ZNF705G: variants seen among roughly 807,000 people sequenced by gnomAD.
ZNF705G encodes the protein zinc finger protein 705G, also known as putative zinc finger protein 705G.
Under a neutral mutation model 19.6 loss-of-function variants are expected in ZNF705G, and 23 were observed. That is an observed-to-expected ratio of 1.17 (90% confidence interval 0.84 to 1.66). The LOEUF is 1.66. Ranked by LOEUF, ZNF705G falls within the 40% of genes most tolerant of loss-of-function variation. ZNF705G has a pLI of 0.00. For missense variants in ZNF705G, 457 were observed against 354.4 expected (o/e 1.29, Z -2.32); for synonymous variants, 146 against 117.7 (o/e 1.24, Z -1.56).
At chr8:7,366,899 T>C (rs1185780032) in intron 2 of ZNF705G, among the ~76,000 whole-genome samples, 1 of 149,644 alleles carries the variant, frequency 6.7e-6, no homozygotes, top group African/African-American at 2.6e-5. Flanking sequence ...CACACATATG[T>C]AGTTACAGAA....
intron 3 of ZNF705G, 105 bp downstream of exon 3, chr8:7,362,830 A>C: frequency 6.3e-7 from 1 of 1,585,648 alleles, no homozygotes; most frequent in Non-Finnish European, 8.5e-7. Context: ...AAAACAAACA[A>C]ACAAAAAAAG....
At chr8:7,367,786 T>C (rs9720274) in intron 2 of ZNF705G, among the ~76,000 whole-genome samples, 1 of 149,566 alleles carries the variant, frequency 6.7e-6, no homozygotes, top group Non-Finnish European at 1.5e-5. Flanking sequence ...TTCCACTGTA[T>C]GCCCTTCGGT....
chr8:7,365,900 T>C (rs1335059963), intron 2 of ZNF705G, among the ~76,000 whole-genome samples: 2 of 149,490 alleles, frequency 1.3e-5, no homozygotes, highest in Non-Finnish European at 2.9e-5. Flanking sequence ...CTGATGTCTA[T>C]ATTGTTTTGC....
rs763810868 is a variant in ZNF705G at position 7,358,064 on chromosome 8, C to T, written c.815G>A (p.Arg272Lys). The T allele has an allele frequency of 5.0e-6, 8 of 1,608,374 alleles. 2 individuals are homozygous for T. Among genetic ancestry groups the T allele is most frequent in the Middle Eastern group, 2.0e-4 (1 of 5,004 alleles). Residue 272 changes from arginine to lysine, a missense_variant, in exon 7 of 7, where the codon AGA becomes AAA. Physicochemically the swap from Arg to Lys is conservative, Grantham distance 26. Coordinates refer to ENST00000400156, the MANE Select transcript of ZNF705G (RefSeq NM_001164457.3). ...TCCAGTGTGAATTATTTTGTTTCCT[C>T]TAAAGCCAGAGCTTTGACTAAAGGC... Reference protein sequence around the residue: ...GKAFSQSSGFRGNKIIHTGEK... With the variant: ...GKAFSQSSGFKGNKIIHTGEK...
At position 7,369,993 on chromosome 8, in the gene ZNF705G, G is replaced by A. The variant is rs372158691; in HGVS notation, c.-71-6976C>T. On this transcript the variant is annotated intron_variant, in intron 2 of 6. Transcript: ENST00000400156. Reference sequence around the variant, plus strand: ...CATACTCCTCAGCATCACACAATGTGCCAGTGTAAAAACCTGCACATACAT... The same window carrying A: ...CATACTCCTCAGCATCACACAATGTACCAGTGTAAAAACCTGCACATACAT... 2.7e-4 allele frequency among the ~76,000 whole-genome samples: 41 copies of A among 149,190 alleles called. 5 individuals are homozygous for A. Among genetic ancestry groups the A allele is most frequent in the African/African-American group, 8.0e-4 (31 of 38,704 alleles).
chr8:7,380,876 G>A (rs1283509886), intron 2 of ZNF705G, among the ~76,000 whole-genome samples: 1 of 142,022 alleles, frequency 7.0e-6, no homozygotes, highest in Non-Finnish European at 1.5e-5. Flanking sequence ...AATTAGCTGG[G>A]CATGGAGGCG....
At chr8:7,369,423 T>A (rs1183605521) in intron 2 of ZNF705G, among the ~76,000 whole-genome samples, 3 of 149,370 alleles carry the variant, frequency 2.0e-5, no homozygotes, top group Non-Finnish European at 2.9e-5. Flanking sequence ...CTAGTGGAGC[T>A]CTGAGAAGAC....
In ZNF705G at chr8:7,359,624, T is replaced by C; in HGVS notation, c.313A>G (p.Thr105Ala). 6.2e-7 allele frequency: 1 copy of C among 1,606,722 alleles called. No individual in the cohort carries two copies. Among genetic ancestry groups the C allele is most frequent in the Non-Finnish European group, 8.5e-7 (1 of 1,179,234 alleles). The change falls in exon 6 of 7, where the codon ACA (threonine) becomes GCA (alanine). Residue 105 changes from threonine (T) to alanine (A), a missense_variant. Thr to Ala is a moderately conservative substitution (Grantham distance 58, BLOSUM62 0). Coordinates refer to ENST00000400156, the MANE Select transcript of ZNF705G (RefSeq NM_001164457.3). ...TACACAGCTATAAAACTTACCATTG[T>C]CATACTGGTGGATGCGTCTTTTCTG... ...ITRKDASTSM[T>A]MENSLILEDP...
chr8:7,367,814 G>A (rs1806927858), intron 2 of ZNF705G, among the ~76,000 whole-genome samples: 1 of 149,726 alleles, frequency 6.7e-6, no homozygotes, highest in Non-Finnish European at 1.5e-5. Context: ...TTTCTTCTAG[G>A]AGGCAAGGAC....
intron 2 of ZNF705G, among the ~76,000 whole-genome samples, chr8:7,368,077 T>C (rs1806942355): frequency 6.7e-6 from 1 of 149,556 alleles, no homozygotes; most frequent in South Asian, 2.1e-4. Flanking sequence ...CATCCTCTGA[T>C]TGGCTTCCCC....
In ZNF705G at chr8:7,358,353, G is replaced by C. The variant is rs1428245879; in HGVS notation, c.526C>G (p.Leu176Val). 2 of 1,607,570 alleles carry C rather than the reference G, an allele frequency of 1.2e-6. No homozygotes were observed. Among genetic ancestry groups the C allele is most frequent in the East Asian group, 2.2e-5 (1 of 44,864 alleles). Residue 176 changes from leucine to valine, a missense_variant, in exon 7 of 7, where the codon CTA becomes GTA. By Grantham distance (32) the Leu-to-Val change is conservative. Coordinates refer to ENST00000400156, the MANE Select transcript of ZNF705G (RefSeq NM_001164457.3). ...CAATTAGTATAGGCCTTTTCACATAGATTACACTGATATGATTTACCTTTA... is the reference window on the plus strand; with the variant it reads ...CAATTAGTATAGGCCTTTTCACATACATTACACTGATATGATTTACCTTTA... Reference protein sequence around the residue: ...HTKGKSYQCNLCEKAYTNCFH... With the variant: ...HTKGKSYQCNVCEKAYTNCFH...
At chr8:7,383,801 G>T (rs1387553150) in intron 1 of ZNF705G, among the ~76,000 whole-genome samples, 1 of 147,748 alleles carries the variant, frequency 6.8e-6, no homozygotes, top group Admixed American at 6.6e-5. Flanking sequence ...ACCTATGCCG[G>T]TGTCTTGATC....
In ZNF705G at chr8:7,382,752, T is replaced by C. The variant is rs574787330; in HGVS notation, c.-221-1151A>G. The stretch of plus-strand genomic sequence containing the variant: ...ATTACCTTATTTCAAGATCTGAAAG[T>C]GCTACATGAATCATTAAGGAGAGGT... On this transcript the variant is annotated intron_variant, in intron 1 of 6. Coordinates refer to ENST00000400156, the MANE Select transcript of ZNF705G (RefSeq NM_001164457.3). 1.8e-4 allele frequency among the ~76,000 whole-genome samples: 26 copies of C among 146,866 alleles called. 3 individuals are homozygous for C. The highest frequency in any genetic ancestry group is 7.2e-4 in the African/African-American group (26 of 36,318).
rs1258105416 is a variant in ZNF705G, at chr8:7,359,756, T to G, written c.236-55A>C. On this transcript the variant is annotated intron_variant, in intron 5 of 6. Transcript: ENST00000400156. The stretch of plus-strand genomic sequence containing the variant: ...TTGGTATTATGGTAATAAAATTGTT[T>G]GAAAAGCCCCAAAGCCCACGTACTT... The G allele has an allele frequency of 5.6e-5, 90 of 1,603,650 alleles. 3 individuals are homozygous for G. The South Asian group carries it at 9.8e-4, about 17-fold the overall frequency.
chr8:7,362,317 A>G (rs1227548792), intron 3 of ZNF705G, among the ~76,000 whole-genome samples: 8 of 149,824 alleles, frequency 5.3e-5, no homozygotes, highest in Admixed American at 3.9e-4. Flanking sequence ...TAAGAATAAT[A>G]ATGACTTCTT....
intron 1 of ZNF705G, 129 bp downstream of exon 1, chr8:7,385,369 C>G (rs563824237): frequency 6.7e-6 from 1 of 149,034 alleles, no homozygotes; most frequent in Non-Finnish European, 1.5e-5. Context: ...AATAATACCA[C>G]TAGAAAGTAA....
rs953715341 is a variant in ZNF705G at position 7,357,676 on chromosome 8, G to A, written c.*300C>T. On this transcript the variant is annotated 3_prime_UTR_variant, in exon 7 of 7. Coordinates refer to ENST00000400156, the MANE Select transcript of ZNF705G (RefSeq NM_001164457.3). The stretch of plus-strand genomic sequence containing the variant: ...AATTTCTCTTCCATATGAATTTATT[G>A]ATGTGGACTGAAGAATAAAGGTAAC... 1 of 517,130 alleles carries A rather than the reference G, an allele frequency of 1.9e-6. No individual in the cohort carries two copies. The highest frequency in any genetic ancestry group is 2.4e-5 in the South Asian group (1 of 41,482). The allele number at this position is 517,130 out of a possible 1,614,324, so 32.0% of individuals were successfully genotyped here.
In ZNF705G at chr8:7,356,152, C is replaced by G. The variant is rs1259676237; in HGVS notation, c.*1824G>C. ...CTGAGGACAAGGCAGAGGAGGGCCC[C>G]TCTGTGAGAACTTTCATTTTGCTTC... On this transcript the variant is annotated 3_prime_UTR_variant, in exon 7 of 7. Transcript: ENST00000400156. 1.3e-5 allele frequency: 2 copies of G among 149,378 alleles called. No individual in the cohort carries two copies. Among genetic ancestry groups the G allele is most frequent in the East Asian group, 1.9e-4 (1 of 5,190 alleles). 9.3% of individuals were successfully genotyped at this position (149,378 alleles called of 1,614,324 possible).
Position 7,361,197 on chromosome 8 carries a change from G to T in ZNF705G, c.52C>A (p.Gln18Lys), listed in dbSNP as rs768906691. 1 of 1,592,864 alleles carries T rather than the reference G, an allele frequency of 6.3e-7. No individual in the cohort carries two copies. Among genetic ancestry groups the T allele is most frequent in the Non-Finnish European group, 8.5e-7 (1 of 1,179,420 alleles). ...GTGTCCATCATGGCCCACTCTTCCT[G>T]GGTGAAGTCAATAGCTACATCTTCA... is the stretch of plus-strand genomic sequence containing the variant. ...TFEDVAIDFT[Q>K]EEWAMMDTSK... The change falls in exon 4 of 7, where the codon CAG becomes AAG. Residue 18 changes from glutamine to lysine, a missense_variant. Coordinates refer to ENST00000400156, the MANE Select transcript of ZNF705G (RefSeq NM_001164457.3).
Sources: allele counts gnomAD v4.1 joint callset (sites outside exome capture counted in the v4.1 genomes callset), GRCh38; gene constraint gnomAD v4.1.1; transcripts MANE v1.5; gene names NCBI Gene and HGNC (gene_info 2026-07-23, HGNC 2026-07-21).